Variants in ERBB4 observed in about 807,000 individuals in gnomAD.
ERBB4 encodes the protein receptor tyrosine-protein kinase erbB-4.
In ERBB4, 42 loss-of-function variants were observed where a neutral mutation model predicts 158.0. The ratio of observed to expected loss-of-function variants is 0.27; its 90% CI spans 0.21 to 0.34. The LOEUF (loss-of-function observed/expected upper bound fraction) is 0.34. ERBB4 is among the 10% of genes least tolerant of loss of function. ERBB4 has a pLI of 1.00. For synonymous variants in ERBB4, 583 were observed against 558.7 expected (o/e 1.04, Z -0.61); for missense variants, 1,333 against 1,624.1 (o/e 0.82, Z 3.08).
chr2:212,026,000 CAT>C lies in ERBB4; in HGVS notation c.235-78386_235-78385del, dbSNP rs569813689. Among the ~76,000 whole-genome samples, 6 of 151,724 alleles carry C rather than the reference CAT, an allele frequency of 4.0e-5. No homozygotes were observed. The South Asian group carries it at 1.2e-3, about 32-fold the overall frequency. ...ATGAGAGTAACTGTCCTGCTTCTCC[CAT>C]AAAGTCTCAATGAGGACAAAAATAA... On this transcript the variant is annotated intron_variant, in intron 2 of 27. Coordinates refer to ENST00000342788, the MANE Select transcript of ERBB4 (RefSeq NM_005235.3).
At chr2:211,506,558 G>GTATC (rs34283226) in intron 20 of ERBB4, among the ~76,000 whole-genome samples, 48,093 of 151,698 alleles carry the variant, frequency 0.32, 8,218 homozygotes, top group African/African-American at 0.44. Context: ...ACCATATCAA[G>GTATC]TTTCTGTATC....
intron 1 of ERBB4, among the ~76,000 whole-genome samples, chr2:212,403,065 GTTATAA>G (rs892305774): frequency 3.9e-5 from 6 of 152,014 alleles, no homozygotes; most frequent in Admixed American, 6.6e-5. Flanking sequence ...TTTATAAACA[GTTATAA>G]TTAAATTATC....
intron 4 of ERBB4, among the ~76,000 whole-genome samples, chr2:211,772,842 T>TACAC (rs2075735056): frequency 1.1e-4 from 6 of 56,906 alleles, no homozygotes; most frequent in Admixed American, 1.8e-4. Context: ...TATACACATA[T>TACAC]ATATATATAT....
At chr2:212,445,318 G>A (rs1340833952) in intron 1 of ERBB4, among the ~76,000 whole-genome samples, 2 of 152,078 alleles carry the variant, frequency 1.3e-5, no homozygotes, top group African/African-American at 4.8e-5. Context: ...AAGTAAAAGT[G>A]GCAACACTCA....
At chr2:211,387,201 T>TA (rs1295676536) in intron 26 of ERBB4, 51 bp from the exon 27 acceptor site, 1 of 1,340,898 alleles carries the variant, frequency 7.5e-7, no homozygotes, top group African/African-American at 1.4e-5. Flanking sequence ...AGAAATAGTT[T>TA]AAAAATGAAT....
chr2:212,217,960 G>A (rs888733383), intron 1 of ERBB4, among the ~76,000 whole-genome samples: 11 of 151,166 alleles, frequency 7.3e-5, no homozygotes, highest in Middle Eastern at 3.2e-3. Flanking sequence ...CACATATCAT[G>A]ACAACCCAAA....
intron 1 of ERBB4, among the ~76,000 whole-genome samples, chr2:212,270,766 G>A (rs746839905): frequency 1.3e-5 from 2 of 151,794 alleles, no homozygotes; most frequent in Non-Finnish European, 2.9e-5. Context: ...TGTTCAGGGA[G>A]AGAGAAAGCG....
chr2:211,580,412 T>C (rs1010404471), intron 19 of ERBB4, among the ~76,000 whole-genome samples: 3 of 152,050 alleles, frequency 2.0e-5, no homozygotes, highest in Admixed American at 2.0e-4. Flanking sequence ...ACATCACTAA[T>C]GATCAGGGAA....
chr2:212,097,133 G>GAGATGAAAGA (rs2078955574), intron 2 of ERBB4, among the ~76,000 whole-genome samples: 1 of 152,132 alleles, frequency 6.6e-6, no homozygotes, highest in African/African-American at 2.4e-5. Context: ...AAAGATAAAT[G>GAGATGAAAGA]TTGTTCCCAT....
chr2:212,445,140 A>C (rs1183683005), intron 1 of ERBB4, among the ~76,000 whole-genome samples: 1 of 152,066 alleles, frequency 6.6e-6, no homozygotes, highest in African/African-American at 2.4e-5. Flanking sequence ...TTGATAGAAC[A>C]GTGGAATGGC....
intron 25 of ERBB4, among the ~76,000 whole-genome samples, chr2:211,404,760 G>C (rs2063115673): frequency 6.6e-6 from 1 of 152,046 alleles, no homozygotes; most frequent in Non-Finnish European, 1.5e-5. Context: ...GATCAGTCTG[G>C]GAGGAAACAG....
intron 1 of ERBB4, among the ~76,000 whole-genome samples, chr2:212,469,302 A>T (rs10191941): frequency 0.041 from 6,183 of 152,270 alleles, 430 homozygotes; most frequent in African/African-American, 0.14. Flanking sequence ...TAATGAAACC[A>T]TTATGAAATT....
chr2:212,351,147 G>A (rs539449935), intron 1 of ERBB4, among the ~76,000 whole-genome samples: 39 of 152,242 alleles, frequency 2.6e-4, no homozygotes, highest in African/African-American at 8.4e-4. Context: ...GGCCATTAGG[G>A]TGGGTCCTAA....
intron 1 of ERBB4, among the ~76,000 whole-genome samples, chr2:212,242,972 G>T (rs911186399): frequency 6.6e-6 from 1 of 152,080 alleles, no homozygotes; most frequent in Non-Finnish European, 1.5e-5. Context: ...CATCTGAAAA[G>T]CACCCTCCCC....
chr2:212,030,339 T>C (rs1339724849), intron 2 of ERBB4, among the ~76,000 whole-genome samples: 1 of 152,114 alleles, frequency 6.6e-6, no homozygotes, highest in Non-Finnish European at 1.5e-5. Flanking sequence ...TTCTCCCCTA[T>C]CCAGTCTCTC....
chr2:211,535,680 C>G (rs984725488), intron 20 of ERBB4: 22 of 152,604 alleles, frequency 1.4e-4, no homozygotes, highest in Non-Finnish European at 5.9e-5. Context: ...CCCGAATGCA[C>G]CCGATCTCGT....
At chr2:212,204,982 C>A (rs575701863) in intron 1 of ERBB4, among the ~76,000 whole-genome samples, 1 of 151,638 alleles carries the variant, frequency 6.6e-6, no homozygotes, top group South Asian at 2.1e-4. Context: ...CCACGCCCGG[C>A]TAGTTTTGTA....
Position 211,825,781 on chromosome 2 carries a change from AATAAT to A in ERBB4, c.422-37627_422-37623del, listed in dbSNP as rs1317624723. ...CATTATATATATATTATATATTATT[AATAAT>A]ATATCAATGATATATTTATATAATA... On this transcript the variant is annotated intron_variant, in intron 3 of 27. Coordinates refer to ENST00000342788, the MANE Select transcript of ERBB4 (RefSeq NM_005235.3). 6.1e-5 allele frequency among the ~76,000 whole-genome samples: 9 copies of A among 147,580 alleles called. 1 individual carries two copies. The highest frequency in any genetic ancestry group is 2.2e-4 in the African/African-American group (9 of 40,840).
intron 1 of ERBB4, among the ~76,000 whole-genome samples, chr2:212,234,759 G>T (rs368228356): frequency 1.3e-5 from 2 of 151,938 alleles, no homozygotes; most frequent in South Asian, 4.1e-4. Context: ...TCATATTTTT[G>T]CTGGCTGCAT....
Sources: allele counts gnomAD v4.1 joint callset (sites outside exome capture counted in the v4.1 genomes callset), GRCh38; gene constraint gnomAD v4.1.1; transcripts MANE v1.5; gene names NCBI Gene and HGNC (gene_info 2026-07-23, HGNC 2026-07-21).